Variants in RER1 observed in about 807,000 individuals in gnomAD.
RER1 encodes the protein protein RER1.
Under a neutral mutation model 28.3 loss-of-function variants are expected in RER1, and 6 were observed. The ratio of observed to expected loss-of-function variants is 0.21; its 90% CI spans 0.12 to 0.42. The LOEUF (loss-of-function observed/expected upper bound fraction) is 0.42, where lower values mean the gene tolerates loss of function less well. RER1 is among the 10% of genes least tolerant of loss of function. The pLI, the probability that RER1 is intolerant of heterozygous loss-of-function variation, is 1.00. For missense variants in RER1, 159 were observed against 252.9 expected (o/e 0.63, Z 2.52); for synonymous variants, 110 against 95.9 (o/e 1.15, Z -0.86).
intron 4 of RER1, among the ~76,000 whole-genome samples, chr1:2,400,285 A>G (rs988323868): frequency 2.0e-5 from 3 of 152,184 alleles, no homozygotes; most frequent in African/African-American, 7.2e-5. Context: ...TCTGTGTAGG[A>G]TATGTGATGA....
At chr1:2,399,166 C>CT (rs1642810251) in intron 3 of RER1, among the ~76,000 whole-genome samples, 1 of 152,206 alleles carries the variant, frequency 6.6e-6, no homozygotes, top group African/African-American at 2.4e-5. Context: ...TAACTGGACC[C>CT]TTGAAGAGCT....
At chr1:2,397,012 T>TGA in intron 2 of RER1, 104 bp from the exon 3 acceptor site, 2 of 672,222 alleles carry the variant, frequency 3.0e-6, no homozygotes, top group South Asian at 3.6e-5. Context: ...CTTTTAGCTG[T>TGA]TTTAAAAATT....
rs529280054 is a variant in RER1, at chr1:2,405,282, C to T, written c.*2158C>T. 2.0e-5 allele frequency: 6 copies of T among 293,648 alleles called. No individual in the cohort carries two copies. The highest frequency in any genetic ancestry group is 8.8e-5 in the African/African-American group (4 of 45,254). 18.2% of individuals were successfully genotyped at this position (293,648 alleles called of 1,614,324 possible). A position where few individuals can be genotyped will look rare whatever the true frequency, so the allele number is the denominator to read the frequency against. On this transcript the variant is annotated 3_prime_UTR_variant, in exon 7 of 7. Coordinates refer to ENST00000605895, the MANE Select transcript of RER1 (RefSeq NM_007033.5). ...AGAGCAGCGCCGCCTCCCATGGGGC[C>T]GTGGGGCTGCTGTTCTCACTGCACT... is the stretch of plus-strand genomic sequence containing the variant.
chr1:2,399,358 G>C (rs899413182), intron 3 of RER1, 57 bp from the exon 4 acceptor site: 17 of 1,210,246 alleles, frequency 1.4e-5, no homozygotes, highest in Non-Finnish European at 2.0e-5. Flanking sequence ...AACGTGAACT[G>C]GCTCAGGCTG....
Position 2,403,274 on chromosome 1 carries a change from G to C in RER1, c.*150G>C. On this transcript the variant is annotated 3_prime_UTR_variant, in exon 7 of 7. Transcript: ENST00000605895. ...TCAATGATTTGTAACTGAAATATCA[G>C]GTTCTAGAAGAAACTGGCGCTTAAA... 1.6e-6 allele frequency: 1 copy of C among 617,960 alleles called. No homozygotes were observed. Among genetic ancestry groups the C allele is most frequent in the African/African-American group, 1.9e-5 (1 of 54,050 alleles). 38.3% of individuals were successfully genotyped at this position (617,960 alleles called of 1,614,324 possible).
chr1:2,396,278 C>T (rs541344581), intron 2 of RER1: 5 of 216,618 alleles, frequency 2.3e-5, no homozygotes, highest in African/African-American at 9.1e-5. Flanking sequence ...GTGAGAGGCT[C>T]TTGTGTGGGC....
intron 3 of RER1, among the ~76,000 whole-genome samples, chr1:2,398,608 TG>T (rs1242281256): frequency 5.9e-5 from 9 of 152,332 alleles, no homozygotes; most frequent in Non-Finnish European, 1.3e-4. Context: ...AGGCTGGTCT[TG>T]AACTCCTGAC....
intron 2 of RER1, 42 bp from the exon 3 acceptor site, chr1:2,397,074 T>A (rs1445204571): frequency 2.2e-6 from 3 of 1,390,512 alleles, no homozygotes; most frequent in Non-Finnish European, 3.1e-6. Flanking sequence ...AGTACAGAAG[T>A]TACAGGACCT....
intron 1 of RER1, chr1:2,393,285 C>T (rs1196762587): frequency 1.3e-5 from 2 of 152,086 alleles, no homozygotes; most frequent in Non-Finnish European, 2.9e-5. Context: ...AGGGCCCAGC[C>T]CCGAACCAGA....
At chr1:2,401,491 T>A (rs1642862083) in intron 5 of RER1, among the ~76,000 whole-genome samples, 1 of 144,866 alleles carries the variant, frequency 6.9e-6, no homozygotes, top group African/African-American at 2.6e-5. Context: ...TGGAGTCATT[T>A]TTGAGAGGGG....
Position 2,403,459 on chromosome 1 carries a change from CGAGG to C in RER1, c.*340_*343del, listed in dbSNP as rs1480140810. 4 of 320,632 alleles carry C rather than the reference CGAGG, an allele frequency of 1.2e-5. No homozygotes were observed. The highest frequency in any genetic ancestry group is 8.8e-5 in the African/African-American group (4 of 45,232). The allele number at this position is 320,632 out of a possible 1,614,324, so 19.9% of individuals were successfully genotyped here. On this transcript the variant is annotated 3_prime_UTR_variant, in exon 7 of 7. Coordinates refer to ENST00000605895, the MANE Select transcript of RER1 (RefSeq NM_007033.5). ...GGTGGGCAGGCAGGAGCAAGGCCTG[CGAGG>C]GAGGAACGGGCCGCTCCCCGCCAGC...
intron 2 of RER1, among the ~76,000 whole-genome samples, chr1:2,396,672 C>T (rs1212595555): frequency 1.3e-5 from 2 of 152,250 alleles, no homozygotes; most frequent in African/African-American, 4.8e-5. Context: ...GCTGCTGGGG[C>T]TCAGGCTGTG....
At chr1:2,397,500 G>GC (rs1323020626) in intron 3 of RER1, among the ~76,000 whole-genome samples, 1 of 152,054 alleles carries the variant, frequency 6.6e-6, no homozygotes, top group African/African-American at 2.4e-5. Context: ...GGACAGTGGA[G>GC]CCGCTGGTGT....
chr1:2,397,065 G>T, intron 2 of RER1, 51 bp from the exon 3 acceptor site: 1 of 1,254,566 alleles, frequency 8.0e-7, no homozygotes, highest in Non-Finnish European at 1.2e-6. Context: ...GGCAGGGTCA[G>T]TACAGAAGTT....
At chr1:2,402,029 A>C in intron 5 of RER1, 178 bp from the exon 6 acceptor site, 1 of 1,544,176 alleles carries the variant, frequency 6.5e-7, no homozygotes, top group Non-Finnish European at 8.8e-7. Flanking sequence ...AGGGCAGTAC[A>C]TGTCTGTGAG....
In RER1 at chr1:2,400,839, G is replaced by T. The variant is rs1023643910; in HGVS notation, c.287-18G>T. The T allele has an allele frequency of 1.2e-6, 2 of 1,609,526 alleles. No individual in the cohort carries two copies. The highest frequency in any genetic ancestry group is 1.7e-4 in the Middle Eastern group (1 of 6,008). On this transcript the variant is annotated intron_variant, in intron 4 of 6. Transcript: ENST00000605895. ...AATGAAAAGAGGTGCCCTCCCTGAT[G>T]GTTGCTCTGCCTTACAGATGACGGT...
rs747295698 is a variant in RER1 at position 2,402,160 on chromosome 1, C to T, written c.366-47C>T. 80 of 1,613,760 alleles carry T rather than the reference C, an allele frequency of 5.0e-5. No individual in the cohort carries two copies. In the South Asian group the frequency reaches 6.0e-4, roughly 12 times the overall value. On this transcript the variant is annotated intron_variant, in intron 5 of 6. Coordinates refer to ENST00000605895, the MANE Select transcript of RER1 (RefSeq NM_007033.5). ...AGGCTGGAGGCGGCCGGCAGGTGCC[C>T]GGTGCTGGCTGCAGATGCGGCGCTA...
At chr1:2,402,461 A>AGCT in intron 6 of RER1, 119 bp downstream of exon 6, 1 of 1,325,380 alleles carries the variant, frequency 7.5e-7, no homozygotes, top group South Asian at 1.3e-5. Flanking sequence ...GTGAATGTGG[A>AGCT]GCTAAGTGGC....
intron 4 of RER1, among the ~76,000 whole-genome samples, chr1:2,400,072 C>A (rs372209309): frequency 6.6e-6 from 1 of 152,194 alleles, no homozygotes; most frequent in East Asian, 1.9e-4. Flanking sequence ...AGCTCCTGGG[C>A]CTGCCTGGGC....
Sources: gnomAD v4.1 joint callset for allele counts (sites outside exome capture counted in the v4.1 genomes callset) on GRCh38, gnomAD v4.1.1 for gene constraint, MANE v1.5 for transcripts, NCBI Gene and HGNC (gene_info 2026-07-23, HGNC 2026-07-21) for gene names.